The following TENM1 variants were observed in gnomAD, a reference collection of about 807,000 sequenced individuals.
TENM1 encodes teneurin transmembrane protein 1, also known as teneurin-1.
TENM1 carries 35 observed loss-of-function variants against 174.8 expected under a neutral mutation model. The ratio of observed to expected loss-of-function variants is 0.20; its 90% CI spans 0.15 to 0.27. The LOEUF is 0.27. TENM1 is among the 10% of genes least tolerant of loss of function. The pLI is 1.00. For synonymous variants in TENM1, 781 were observed against 798.7 expected (o/e 0.98, Z 0.37); for missense variants, 1,633 against 2,130.1 (o/e 0.77, Z 4.59).
chrX:125,125,348 T>C, the TENM1 span, among the ~76,000 whole-genome samples: 1 of 112,064 alleles, frequency 8.9e-6, no homozygotes, highest in Non-Finnish European at 1.9e-5. Context: ...TTTTAAAAAT[T>C]ACTATTTAGA....
chrX:124,518,459 G>T (rs1193265400), intron 18 of TENM1, among the ~76,000 whole-genome samples: 1 of 110,267 alleles, frequency 9.1e-6, no homozygotes, highest in Non-Finnish European at 1.9e-5. Context: ...GTAGCACAAA[G>T]TGCTTGCCTG....
At chrX:124,606,961 G>C (rs2050173676) in intron 11 of TENM1, among the ~76,000 whole-genome samples, 1 of 110,292 alleles carries the variant, frequency 9.1e-6, no homozygotes, top group Admixed American at 9.7e-5. Flanking sequence ...ATGAGGATGA[G>C]GAGAAGGAGG....
At chrX:124,585,908 C>A (rs939794725) in intron 11 of TENM1, among the ~76,000 whole-genome samples, 1 of 110,866 alleles carries the variant, frequency 9.0e-6, no homozygotes, top group Non-Finnish European at 1.9e-5. Flanking sequence ...ACTACAGATA[C>A]CTCTACACAA....
chrX:125,155,835 GC>G, the TENM1 span, among the ~76,000 whole-genome samples: 1 of 112,435 alleles, frequency 8.9e-6, no homozygotes, highest in Non-Finnish European at 1.9e-5. Flanking sequence ...TCCCGCCCAT[GC>G]CTCTCCCTCC....
exon 32 of TENM1, chrX:124,376,775 T>TTTTGTTTTGTTTTGTTTTGTTTTGTTTTC (rs2060108523): frequency 9.1e-6 from 1 of 110,357 alleles, no homozygotes; most frequent in Non-Finnish European, 1.9e-5. Flanking sequence ...TTTTTGTTTT[T>TTTTGTTTTGTTTTGTTTTGTTTTGTTTTC]TTTGTTTTGT....
intron 1 of TENM1, among the ~76,000 whole-genome samples, chrX:124,920,106 C>T (rs2057995442): frequency 9.1e-6 from 1 of 110,141 alleles, no homozygotes; most frequent in Admixed American, 9.6e-5. Context: ...TCTGAATCAA[C>T]AAAAAAAATA....
intron 1 of TENM1, among the ~76,000 whole-genome samples, chrX:124,900,755 GC>G (rs1266928455): frequency 3.7e-5 from 4 of 109,241 alleles, no homozygotes; most frequent in Non-Finnish European, 7.6e-5. Context: ...ACTAACTGAT[GC>G]ATGATTTATT....
chrX:124,630,578 G>A (rs1412675312), intron 11 of TENM1, among the ~76,000 whole-genome samples: 1 of 111,816 alleles, frequency 8.9e-6, no homozygotes, highest in African/African-American at 3.3e-5. Flanking sequence ...TGTGTAAATT[G>A]AGACCCATAG....
At chrX:125,177,513 T>C in the TENM1 span, among the ~76,000 whole-genome samples, 1 of 112,578 alleles carries the variant, frequency 8.9e-6, no homozygotes, top group East Asian at 2.8e-4. Context: ...TTTGTCATTG[T>C]TTTTTATTTT....
intron 18 of TENM1, among the ~76,000 whole-genome samples, chrX:124,514,108 C>T (rs2047643750): frequency 1.8e-5 from 2 of 108,603 alleles, no homozygotes; most frequent in Non-Finnish European, 3.8e-5. Context: ...ATACTAAAAG[C>T]CAATGAATTG....
At chrX:124,900,150 A>G (rs1224003194) in intron 1 of TENM1, among the ~76,000 whole-genome samples, 1 of 112,478 alleles carries the variant, frequency 8.9e-6, no homozygotes, top group Admixed American at 9.4e-5. Flanking sequence ...CCAAGTATCT[A>G]TGAACACATG....
At chrX:124,646,630 T>A in intron 9 of TENM1, 79 bp downstream of exon 12, 1 of 715,600 alleles carries the variant, frequency 1.4e-6, no homozygotes, top group Non-Finnish European at 2.1e-6. Context: ...TGTTACTTAC[T>A]ATGACTATTA....
the TENM1 span, among the ~76,000 whole-genome samples, chrX:125,094,987 C>A: frequency 1.8e-5 from 2 of 112,065 alleles, no homozygotes; most frequent in African/African-American, 6.5e-5. Flanking sequence ...GAATACACTT[C>A]ATGTAATCTT....
chrX:124,538,991 C>T, intron 15 of TENM1, among the ~76,000 whole-genome samples: 1 of 111,761 alleles, frequency 8.9e-6, no homozygotes, highest in East Asian at 2.8e-4. Flanking sequence ...ACTGATTTCT[C>T]TTTCCAGGTC....
At chrX:125,022,628 A>G in the TENM1 span, among the ~76,000 whole-genome samples, 1 of 111,395 alleles carries the variant, frequency 9.0e-6, no homozygotes, top group African/African-American at 3.3e-5. Context: ...CTACTTTAAG[A>G]GCATTCTTAT....
intron 3 of TENM1, among the ~76,000 whole-genome samples, chrX:124,755,513 G>A (rs1825582870): frequency 9.0e-6 from 1 of 110,870 alleles, no homozygotes; most frequent in South Asian, 3.9e-4. Flanking sequence ...TGTTATGTGT[G>A]AATTTGATCC....
intron 3 of TENM1, among the ~76,000 whole-genome samples, chrX:124,831,984 A>G (rs759427702): frequency 9.0e-6 from 1 of 111,633 alleles, no homozygotes; most frequent in African/African-American, 3.3e-5. Context: ...GGCTTTGCCG[A>G]GACACTAAAA....
chrX:125,110,632 T>A, the TENM1 span, among the ~76,000 whole-genome samples: 1 of 110,482 alleles, frequency 9.1e-6, no homozygotes, highest in Non-Finnish European at 1.9e-5. Flanking sequence ...ATAAGTCCCA[T>A]CCAATTTCTG....
chrX:124,663,826 G>C (rs900894418), intron 6 of TENM1, among the ~76,000 whole-genome samples: 4 of 109,594 alleles, frequency 3.6e-5, no homozygotes, highest in Non-Finnish European at 7.6e-5. Flanking sequence ...TATGACCAAG[G>C]ACATTTAACG....
Sources: gnomAD v4.1 joint callset for allele counts (sites outside exome capture counted in the v4.1 genomes callset) on GRCh38, gnomAD v4.1.1 for gene constraint, MANE v1.5 for transcripts, NCBI Gene and HGNC (gene_info 2026-07-23, HGNC 2026-07-21) for gene names.